OLFM2: variants seen among roughly 807,000 people sequenced by gnomAD.
OLFM2 encodes the protein olfactomedin 2.
A neutral mutation model predicts 43.9 loss-of-function variants in OLFM2; 20 were observed. The observed-to-expected ratio is 0.46, with a 90% CI of 0.32 to 0.66. The LOEUF is 0.66. Ranked by LOEUF, OLFM2 falls within the 30% of genes least tolerant of loss-of-function variation. The probability of loss-of-function intolerance (pLI) is 0.04; values close to 1 mark genes in which losing one functional copy is unlikely to be tolerated. For synonymous variants in OLFM2, 268 were observed against 278.6 expected, an observed-to-expected ratio of 0.96 and a Z score of 0.38; for missense variants, 416 against 643.6, an observed-to-expected ratio of 0.65 and a Z score of 3.83.
chr19:9,908,556 G>A (rs12979695), intron 1 of OLFM2, among the ~76,000 whole-genome samples: 91,918 of 146,004 alleles, frequency 0.63, 29,001 homozygotes, highest in African/African-American at 0.7. Context: ...TCGGCTCACT[G>A]CGAGCTCCAC....
In OLFM2 at chr19:9,857,840, T is replaced by C. The variant is rs900619541; in HGVS notation, c.235A>G (p.Met79Val). Residue 79 changes from methionine (M) to valine (V), a missense_variant, in exon 3 of 6, where the codon ATG becomes GTG. Met to Val is a conservative substitution (Grantham distance 21, BLOSUM62 1). Coordinates refer to ENST00000264833, the MANE Select transcript of OLFM2 (RefSeq NM_058164.4). The surrounding 1 kb of genome is among the most constrained non-coding windows in gnomAD (Gnocchi z 5.7). ...MEKVQNVSQS[M>V]EVLELRTYRD... The stretch of plus-strand genomic sequence containing the variant: ...TACGTCCGCAACTCAAGGACCTCCA[T>C]GGACTGGGAGACGTTCTGGACCTAG... 1.9e-6 allele frequency: 3 copies of C among 1,614,040 alleles called. No homozygotes were observed. The highest frequency in any genetic ancestry group is 1.3e-5 in the African/African-American group (1 of 75,012).
Position 9,936,477 on chromosome 19 carries a change from C to T in OLFM2, c.-111G>A, listed in dbSNP as rs1297652286. On this transcript the variant is annotated 5_prime_UTR_variant, in exon 1 of 6. Coordinates refer to ENST00000264833, the MANE Select transcript of OLFM2 (RefSeq NM_058164.4). ...GCCCGGCCGGGGCGACCCTGCGCCG[C>T]CGCCTCCCCCGCCTCGCCGGCGGCC... 3 of 729,646 alleles carry T rather than the reference C, an allele frequency of 4.1e-6. No homozygotes were observed. Among genetic ancestry groups the T allele is most frequent in the Non-Finnish European group, 5.0e-6 (3 of 595,726 alleles). The allele number at this position is 729,646 out of a possible 1,614,324, so 45.2% of individuals were successfully genotyped here. A position where few individuals can be genotyped will look rare whatever the true frequency, so the allele number is the denominator to read the frequency against.
intron 1 of OLFM2, among the ~76,000 whole-genome samples, chr19:9,900,989 A>G (rs1381581073): frequency 3.3e-5 from 1 of 30,348 alleles, no homozygotes; most frequent in Non-Finnish European, 5.0e-5. Flanking sequence ...GAAGGAAGGA[A>G]GGGAGGGAGG....
At chr19:9,871,573 CAA>C (rs34941045) in intron 1 of OLFM2, among the ~76,000 whole-genome samples, 63,876 of 121,152 alleles carry the variant, frequency 0.53, 15,113 homozygotes, top group Middle Eastern at 0.61. Context: ...ACTCTGCTCT[CAA>C]AAAAAAAAAA....
intron 1 of OLFM2, among the ~76,000 whole-genome samples, chr19:9,889,061 G>A (rs1403407801): frequency 4.1e-5 from 6 of 145,284 alleles, no homozygotes; most frequent in Non-Finnish European, 7.5e-5. Context: ...GCGAGACTCC[G>A]TCTCAAAAAA....
At chr19:9,932,280 T>C (rs894043309) in intron 1 of OLFM2, among the ~76,000 whole-genome samples, 1 of 151,646 alleles carries the variant, frequency 6.6e-6, no homozygotes, top group Admixed American at 6.6e-5. Flanking sequence ...TGAAACCCTG[T>C]CTCTACTAAA....
chr19:9,858,193 C>G (rs972575890), intron 2 of OLFM2: 3 of 404,114 alleles, frequency 7.4e-6, no homozygotes, highest in Middle Eastern at 8.2e-4. Flanking sequence ...AGATCACCTT[C>G]CTCCTCCACA....
intron 1 of OLFM2, among the ~76,000 whole-genome samples, chr19:9,917,993 C>G (rs902227717): frequency 1.3e-5 from 2 of 152,058 alleles, no homozygotes; most frequent in African/African-American, 4.8e-5. Flanking sequence ...ATTCTCGTGC[C>G]TCAGCCTCCC....
At chr19:9,919,076 C>T (rs117769461) in intron 1 of OLFM2, among the ~76,000 whole-genome samples, 2,709 of 152,318 alleles carry the variant, frequency 0.018, 36 homozygotes, top group Non-Finnish European at 0.028. Flanking sequence ...GTGGCTCACG[C>T]CTGTAATCCC....
chr19:9,896,075 T>C (rs2046680247), intron 1 of OLFM2, among the ~76,000 whole-genome samples: 1 of 150,294 alleles, frequency 6.7e-6, no homozygotes, highest in Non-Finnish European at 1.5e-5. Flanking sequence ...TCCCAGGCCT[T>C]CTTTACTTTA....
At chr19:9,865,362 A>G (rs923672390) in intron 1 of OLFM2, among the ~76,000 whole-genome samples, 38 of 149,606 alleles carry the variant, frequency 2.5e-4, no homozygotes, top group African/African-American at 8.9e-4. Context: ...TTTTGTAGAG[A>G]TGGGAGTCTT....
intron 1 of OLFM2, among the ~76,000 whole-genome samples, chr19:9,916,735 G>A (rs2046878760): frequency 6.6e-6 from 1 of 152,104 alleles, no homozygotes; most frequent in African/African-American, 2.4e-5. Flanking sequence ...CTGTGCTCGA[G>A]TTTGCACTTG....
intron 1 of OLFM2, among the ~76,000 whole-genome samples, chr19:9,922,009 G>A (rs538530688): frequency 2.6e-5 from 4 of 151,644 alleles, no homozygotes; most frequent in South Asian, 4.2e-4. Flanking sequence ...TGGGAAGATC[G>A]CTTGAGCCCG....
chr19:9,874,756 C>T (rs1190571933), intron 1 of OLFM2, among the ~76,000 whole-genome samples: 1 of 152,214 alleles, frequency 6.6e-6, no homozygotes, highest in African/African-American at 2.4e-5. Context: ...GCTGGGATTA[C>T]AGGCATGAGC....
At chr19:9,902,571 A>G (rs1436615276) in intron 1 of OLFM2, among the ~76,000 whole-genome samples, 5 of 151,896 alleles carry the variant, frequency 3.3e-5, no homozygotes, top group Admixed American at 3.3e-4. Context: ...TGTATTTAGT[A>G]GAGATGGGTT....
intron 1 of OLFM2, among the ~76,000 whole-genome samples, chr19:9,930,117 G>T (rs2086473990): frequency 6.6e-6 from 1 of 151,976 alleles, no homozygotes; most frequent in African/African-American, 2.4e-5. Context: ...CTGGTGTGAT[G>T]ATGATACAAG....
intron 1 of OLFM2, among the ~76,000 whole-genome samples, chr19:9,902,293 G>A (rs1005769164): frequency 2.0e-5 from 3 of 151,972 alleles, no homozygotes; most frequent in Admixed American, 2.0e-4. Flanking sequence ...CTCCCAAAAT[G>A]CTGGGATTAC....
At chr19:9,892,785 C>T (rs1180760878) in intron 1 of OLFM2, among the ~76,000 whole-genome samples, 3 of 152,156 alleles carry the variant, frequency 2.0e-5, no homozygotes, top group Admixed American at 6.5e-5. Flanking sequence ...CAGAGGCACT[C>T]GACAGTTTGG....
intron 1 of OLFM2, among the ~76,000 whole-genome samples, chr19:9,933,012 C>T (rs1010290058): frequency 1.3e-5 from 2 of 152,076 alleles, no homozygotes; most frequent in East Asian, 1.9e-4. Flanking sequence ...CTCATCTCCC[C>T]GCGACCTCTC....
Sources: gnomAD v4.1 joint callset for allele counts (sites outside exome capture counted in the v4.1 genomes callset) on GRCh38, gnomAD v4.1.1 for gene constraint, Gnocchi (gnomAD v3.1) non-coding constraint, MANE v1.5 for transcripts, NCBI Gene and HGNC (gene_info 2026-07-23, HGNC 2026-07-21) for gene names.